Variants in COPG2 observed in about 807,000 individuals in gnomAD.
COPG2 encodes the protein coat protein complex I subunit gamma 2, also known as coatomer subunit gamma-2.
COPG2 carries 37 observed loss-of-function variants against 46.3 expected under a neutral mutation model. The ratio of observed to expected loss-of-function variants is 0.80; its 90% CI spans 0.61 to 1.05. The LOEUF (loss-of-function observed/expected upper bound fraction) is 1.05, where lower values mean the gene tolerates loss of function less well. Ranked by LOEUF, COPG2 falls within the 50% of genes least tolerant of loss-of-function variation. The probability of loss-of-function intolerance (pLI) is 0.00; values close to 1 mark genes in which losing one functional copy is unlikely to be tolerated. For synonymous variants in COPG2, 159 were observed against 129.7 expected, an observed-to-expected ratio of 1.23 and a Z score of -1.53; for missense variants, 427 against 387.8, an observed-to-expected ratio of 1.10 and a Z score of -0.85.
intron 9 of COPG2, among the ~76,000 whole-genome samples, chr7:130,582,908 A>G (rs1256496085): frequency 1.3e-5 from 2 of 151,946 alleles, no homozygotes; most frequent in Admixed American, 1.3e-4. Context: ...GGGACTGTAA[A>G]CTAGTTCAAC....
intron 5 of COPG2, among the ~76,000 whole-genome samples, chr7:130,630,971 A>G (rs1795217393): frequency 6.6e-6 from 1 of 152,152 alleles, no homozygotes; most frequent in Non-Finnish European, 1.5e-5. Flanking sequence ...TTAAAGATGC[A>G]GTGAGCTATG....
At chr7:130,667,446 A>G (rs1683511506) in intron 2 of COPG2, 36 bp downstream of exon 2, 2 of 1,578,778 alleles carry the variant, frequency 1.3e-6, no homozygotes, top group Non-Finnish European at 1.7e-6. Context: ...AAAACAGAAT[A>G]GAAAAGAAAG....
chr7:130,609,574 T>A (rs374325894), intron 9 of COPG2, among the ~76,000 whole-genome samples: 22 of 152,370 alleles, frequency 1.4e-4, no homozygotes, highest in African/African-American at 5.0e-4. Flanking sequence ...ATATCCATTA[T>A]CTCTTCAAAG....
chr7:130,568,211 G>A (rs962280225), intron 9 of COPG2, among the ~76,000 whole-genome samples: 38 of 152,224 alleles, frequency 2.5e-4, no homozygotes, highest in East Asian at 1.5e-3. Context: ...GGAGACGGAC[G>A]TTGCGGTGAG....
intron 9 of COPG2, among the ~76,000 whole-genome samples, chr7:130,580,246 C>A (rs1794106552): frequency 6.6e-6 from 1 of 151,970 alleles, no homozygotes; most frequent in Non-Finnish European, 1.5e-5. Flanking sequence ...TGAATGACTA[C>A]TGGATACATA....
At chr7:130,509,881 T>A in intron 20 of COPG2, 1 of 487,728 alleles carries the variant, frequency 2.1e-6, no homozygotes, top group East Asian at 6.0e-5. Context: ...TGAAACGATA[T>A]AATAGTTTAA....
chr7:130,614,388 T>A (rs925969615), intron 6 of COPG2, among the ~76,000 whole-genome samples: 7 of 152,180 alleles, frequency 4.6e-5, no homozygotes, highest in African/African-American at 1.4e-4. Flanking sequence ...GAATCCAGAT[T>A]TATCAGATGT....
intron 9 of COPG2, among the ~76,000 whole-genome samples, chr7:130,584,055 A>G (rs891891432): frequency 6.6e-6 from 1 of 151,928 alleles, no homozygotes; most frequent in Non-Finnish European, 1.5e-5. Flanking sequence ...CAGATGCTAA[A>G]ATCCTTAACA....
intron 5 of COPG2, among the ~76,000 whole-genome samples, chr7:130,629,916 C>T (rs1202174021): frequency 2.6e-5 from 4 of 151,196 alleles, no homozygotes; most frequent in Non-Finnish European, 5.9e-5. Flanking sequence ...TTCTTTCTTT[C>T]CTTTCCTTTT....
At position 130,506,715 on chromosome 7, in the gene COPG2, C is replaced by T; in HGVS notation, c.2577G>A (p.Glu859=). The T allele has an allele frequency of 1.3e-6, 1 of 780,542 alleles. No individual in the cohort carries two copies. Among genetic ancestry groups the T allele is most frequent in the African/African-American group, 1.7e-5 (1 of 59,252 alleles). The allele number at this position is 780,542 out of a possible 1,614,324, so 48.4% of individuals were successfully genotyped here. ...VTMQVTVRSK[E]RTPVDVILAS... ...CTAAGATAACATCTACAGGTGTTCT[C>T]TCTTTACTTCTGACAGTCACCTGCA... The change falls in exon 24 of 24, where the codon GAG becomes GAA. Residue 859 remains glutamate (E), a synonymous_variant. Transcript: ENST00000425248.
chr7:130,604,894 C>G (rs571297119), intron 9 of COPG2, among the ~76,000 whole-genome samples: 8 of 152,208 alleles, frequency 5.3e-5, no homozygotes, highest in Admixed American at 1.3e-4. Context: ...ATTTTATCAA[C>G]CGCTTTTTTC....
At chr7:130,659,983 G>A (rs1483315966) in intron 4 of COPG2, among the ~76,000 whole-genome samples, 1 of 152,182 alleles carries the variant, frequency 6.6e-6, no homozygotes, top group Non-Finnish European at 1.5e-5. Context: ...ATTGATTACA[G>A]ATGTAAACTA....
chr7:130,618,073 C>T (rs374019941), intron 5 of COPG2, among the ~76,000 whole-genome samples: 1 of 120,270 alleles, frequency 8.3e-6, no homozygotes, highest in African/African-American at 3.2e-5. Flanking sequence ...TGTACTCCAA[C>T]CTGGGTGACA....
intron 20 of COPG2, among the ~76,000 whole-genome samples, chr7:130,535,583 C>G (rs965791780): frequency 3.5e-4 from 48 of 137,424 alleles, no homozygotes; most frequent in Middle Eastern, 4.6e-3. Flanking sequence ...CTTTGTTGCA[C>G]AGGTGTGAAT....
chr7:130,666,353 C>A (rs936492019), intron 3 of COPG2, among the ~76,000 whole-genome samples: 3 of 152,172 alleles, frequency 2.0e-5, no homozygotes, highest in Non-Finnish European at 4.4e-5. Flanking sequence ...CTAACTAGTA[C>A]TCATTAAATT....
chr7:130,589,793 T>C (rs1794359791), intron 9 of COPG2, among the ~76,000 whole-genome samples: 2 of 152,194 alleles, frequency 1.3e-5, no homozygotes, highest in Non-Finnish European at 2.9e-5. Context: ...GTGATGCTTA[T>C]TTTTGTTTAT....
chr7:130,617,095 A>G (rs911300879), intron 5 of COPG2, 30 bp from the exon 6 acceptor site: 8 of 1,421,810 alleles, frequency 5.6e-6, no homozygotes, highest in Non-Finnish European at 5.9e-6. Context: ...TTAACATAAG[A>G]TCAATTAAAA....
At chr7:130,511,790 A>G (rs782688678) in intron 20 of COPG2, 1 of 519,480 alleles carries the variant, frequency 1.9e-6, no homozygotes, top group Non-Finnish European at 3.9e-6. Flanking sequence ...CATGGGAAAT[A>G]CACAGAAAGG....
intron 5 of COPG2, among the ~76,000 whole-genome samples, chr7:130,644,261 CAGAAAG>C (rs1305526287): frequency 2.6e-5 from 4 of 152,166 alleles, no homozygotes; most frequent in African/African-American, 9.7e-5. Flanking sequence ...GTTCTCTTTT[CAGAAAG>C]AGAAACACTA....
Sources: allele counts gnomAD v4.1 joint callset (sites outside exome capture counted in the v4.1 genomes callset), GRCh38; gene constraint gnomAD v4.1.1; transcripts MANE v1.5; gene names NCBI Gene and HGNC (gene_info 2026-07-23, HGNC 2026-07-21).